Variants in F13A1 observed in about 807,000 individuals in gnomAD.
F13A1 encodes the protein FSF, A subunit.
Under a neutral mutation model 80.1 loss-of-function variants are expected in F13A1, and 47 were observed. The observed-to-expected ratio is 0.59, with a 90% CI of 0.46 to 0.75. The LOEUF is 0.75. Among genes scored for constraint, F13A1 ranks in the 30% least tolerant of loss-of-function variants. The pLI is 0.00. For synonymous variants in F13A1, 349 were observed against 344.9 expected (o/e 1.01, Z -0.13); for missense variants, 817 against 930.4 (o/e 0.88, Z 1.59).
intron 2 of F13A1, among the ~76,000 whole-genome samples, chr6:6,308,526 A>T (rs557596974): frequency 3.4e-5 from 5 of 148,972 alleles, no homozygotes; most frequent in African/African-American, 1.2e-4. Context: ...AAATCAAGAT[A>T]TTGTCAGTGT....
chr6:6,251,144 G>T, intron 4 of F13A1, among the ~76,000 whole-genome samples: 1 of 152,188 alleles, frequency 6.6e-6, no homozygotes, highest in African/African-American at 2.4e-5. Context: ...GATGACATTT[G>T]TTAGCAAAAT....
intron 6 of F13A1, among the ~76,000 whole-genome samples, chr6:6,228,317 C>G (rs1313252878): frequency 2.6e-5 from 4 of 152,182 alleles, no homozygotes; most frequent in Non-Finnish European, 5.9e-5. Flanking sequence ...CCCAACAAAA[C>G]ATGAGGACTA....
chr6:6,238,157 T>C (rs1024453199), intron 6 of F13A1, among the ~76,000 whole-genome samples: 2 of 152,220 alleles, frequency 1.3e-5, no homozygotes, highest in Non-Finnish European at 2.9e-5. Context: ...AATAGATCCA[T>C]ACTCATGTAG....
At chr6:6,208,394 G>T (rs866505566) in intron 8 of F13A1, among the ~76,000 whole-genome samples, 2 of 152,052 alleles carry the variant, frequency 1.3e-5, no homozygotes, top group South Asian at 4.1e-4. Flanking sequence ...AAACAGGTGA[G>T]ATGTTACTTA....
intron 8 of F13A1, among the ~76,000 whole-genome samples, chr6:6,210,108 T>C (rs1401372623): frequency 6.6e-6 from 1 of 150,970 alleles, no homozygotes; most frequent in Non-Finnish European, 1.5e-5. Context: ...GGTGTGCCTG[T>C]AGTCCCAGCT....
chr6:6,257,898 G>A (rs193030903), intron 4 of F13A1, among the ~76,000 whole-genome samples: 6 of 152,306 alleles, frequency 3.9e-5, no homozygotes, highest in Admixed American at 3.3e-4. Flanking sequence ...AAATGTCAGA[G>A]CTTCTTTACT....
intron 6 of F13A1, among the ~76,000 whole-genome samples, chr6:6,245,839 A>G (rs915393988): frequency 4.6e-5 from 7 of 152,100 alleles, no homozygotes; most frequent in African/African-American, 1.7e-4. Context: ...TCTATGTGCT[A>G]TTTCTTCTGG....
chr6:6,222,026 AACTC>A lies in F13A1; in HGVS notation c.1112+3_1112+6del. On this transcript the variant is annotated splice_donor_5th_base_variant and intron_variant, in intron 8 of 14. Coordinates refer to ENST00000264870, the MANE Select transcript of F13A1 (RefSeq NM_000129.4). Reference sequence around the variant, plus strand: ...CATCAGCCAATGCCATTGTCAATCAAACTCACCACACTGAATCCTTGGTGAGTTT... The same window carrying A: ...CATCAGCCAATGCCATTGTCAATCAAACCACACTGAATCCTTGGTGAGTTT... The A allele has an allele frequency of 6.2e-7, 1 of 1,613,724 alleles. No individual in the cohort carries two copies. Among genetic ancestry groups the A allele is most frequent in the Non-Finnish European group, 8.5e-7 (1 of 1,179,880 alleles).
chr6:6,145,482 C>T lies in F13A1; in HGVS notation c.*137G>A, dbSNP rs1392551326. On this transcript the variant is annotated 3_prime_UTR_variant, in exon 15 of 15. Coordinates refer to ENST00000264870, the MANE Select transcript of F13A1 (RefSeq NM_000129.4). ...AGCATGTTTTTGAAATATGTGGGAT[C>T]TCCACTCTGGAGCCCTCTGCAGTCC... is the stretch of plus-strand genomic sequence containing the variant. 6.5e-6 allele frequency: 7 copies of T among 1,072,214 alleles called. No individual in the cohort carries two copies. Among genetic ancestry groups the T allele is most frequent in the South Asian group, 5.2e-5 (4 of 76,528 alleles). 66.4% of individuals were successfully genotyped at this position (1,072,214 alleles called of 1,614,324 possible). A position where few individuals can be genotyped will look rare whatever the true frequency, so the allele number is the denominator to read the frequency against.
At chr6:6,171,621 T>C (rs533794460) in intron 12 of F13A1, among the ~76,000 whole-genome samples, 18 of 152,222 alleles carry the variant, frequency 1.2e-4, no homozygotes, top group Admixed American at 7.9e-4. Context: ...TTTAGTCTCT[T>C]CTCAACACAG....
intron 6 of F13A1, among the ~76,000 whole-genome samples, chr6:6,242,311 C>T (rs899889217): frequency 7.2e-5 from 11 of 152,180 alleles, no homozygotes; most frequent in East Asian, 3.9e-4. Context: ...AAGAGTACAT[C>T]GAACATCGAT....
intron 5 of F13A1, among the ~76,000 whole-genome samples, chr6:6,249,872 G>A (rs1260917349): frequency 6.6e-6 from 1 of 152,150 alleles, no homozygotes; most frequent in Non-Finnish European, 1.5e-5. Flanking sequence ...AGAAATGCAG[G>A]CGGGGAAGCC....
intron 3 of F13A1, among the ~76,000 whole-genome samples, chr6:6,296,127 T>C (rs1363096529): frequency 2.6e-5 from 4 of 151,122 alleles, no homozygotes; most frequent in African/African-American, 4.9e-5. Flanking sequence ...GTACCAGTAC[T>C]ATGCTGTTTT....
intron 8 of F13A1, among the ~76,000 whole-genome samples, chr6:6,218,908 G>C (rs930714688): frequency 6.6e-6 from 1 of 152,168 alleles, no homozygotes; most frequent in East Asian, 1.9e-4. Context: ...CCTGCTGGCT[G>C]ATTTCTGGTT....
chr6:6,311,222 C>A (rs1009478594), intron 2 of F13A1, among the ~76,000 whole-genome samples: 2 of 152,054 alleles, frequency 1.3e-5, no homozygotes, highest in Non-Finnish European at 2.9e-5. Context: ...ACACCTTTTA[C>A]GTGAAAATTT....
intron 9 of F13A1, 71 bp downstream of exon 9, chr6:6,197,152 C>CA: frequency 6.8e-7 from 1 of 1,476,466 alleles, no homozygotes; most frequent in Non-Finnish European, 9.4e-7. Flanking sequence ...TCCCACACAT[C>CA]AAATGCAAGC....
At chr6:6,234,960 A>G (rs1757396261) in intron 6 of F13A1, among the ~76,000 whole-genome samples, 1 of 152,052 alleles carries the variant, frequency 6.6e-6, no homozygotes, top group African/African-American at 2.4e-5. Flanking sequence ...ATGTGACACA[A>G]TAGAGAACAC....
chr6:6,236,195 G>C (rs1292766760), intron 6 of F13A1, among the ~76,000 whole-genome samples: 1 of 152,022 alleles, frequency 6.6e-6, no homozygotes, highest in Admixed American at 6.6e-5. Flanking sequence ...AACTTCTGGG[G>C]GCAATGGATA....
rs576923970 is a variant in F13A1 at position 6,155,591 on chromosome 6, A to G, written c.1909-3642T>C. The stretch of plus-strand genomic sequence containing the variant: ...AACTTCCTGTCCCTGACTACTGATG[A>G]TAATGAGCCTTAGACACTCAAACCA... On this transcript the variant is annotated intron_variant, in intron 13 of 14. Transcript: ENST00000264870. 5.9e-5 allele frequency among the ~76,000 whole-genome samples: 9 copies of G among 152,124 alleles called. No individual in the cohort carries two copies. The East Asian group carries it at 1.7e-3, about 30-fold the overall frequency.
Sources: gnomAD v4.1 joint callset for allele counts (sites outside exome capture counted in the v4.1 genomes callset) on GRCh38, gnomAD v4.1.1 for gene constraint, MANE v1.5 for transcripts, NCBI Gene and HGNC (gene_info 2026-07-23, HGNC 2026-07-21) for gene names.